PLLP: variants seen among roughly 807,000 people sequenced by gnomAD.
The protein encoded by PLLP is plasmolipin, also known as plasma membrane proteolipid (plasmolipin).
A neutral mutation model predicts 19.7 loss-of-function variants in PLLP; 15 were observed. The ratio of observed to expected loss-of-function variants is 0.76; its 90% CI spans 0.51 to 1.17. The LOEUF is 1.17. Ranked by LOEUF, PLLP falls within the 50% of genes most tolerant of loss-of-function variation. The pLI is 0.00. For missense variants in PLLP, 255 were observed against 258.3 expected, an observed-to-expected ratio of 0.99 and a Z score of 0.09; for synonymous variants, 111 against 116.3, an observed-to-expected ratio of 0.95 and a Z score of 0.29.
chr16:57,263,002 C>T (rs1260015456), intron 1 of PLLP, among the ~76,000 whole-genome samples: 3 of 152,248 alleles, frequency 2.0e-5, no homozygotes, highest in East Asian at 1.9e-4. Flanking sequence ...CTCACAGCTA[C>T]GTCCCCACAC....
chr16:57,270,764 C>T (rs2075472279), intron 1 of PLLP, among the ~76,000 whole-genome samples: 2 of 152,096 alleles, frequency 1.3e-5, no homozygotes, highest in Non-Finnish European at 2.9e-5. Flanking sequence ...TTCCAGCATT[C>T]GAGGATCCTG....
intron 1 of PLLP, among the ~76,000 whole-genome samples, chr16:57,269,354 T>C (rs1489564992): frequency 6.6e-6 from 1 of 152,192 alleles, no homozygotes; most frequent in African/African-American, 2.4e-5. Flanking sequence ...CTGTGTGGCC[T>C]TGGGGGAGTC....
At chr16:57,257,090 C>T (rs1447343287) in intron 3 of PLLP, 61 bp from the exon 4 acceptor site, 1 of 1,211,310 alleles carries the variant, frequency 8.3e-7, no homozygotes, top group Non-Finnish European at 1.2e-6. Flanking sequence ...AAGCTCCAAC[C>T]AGATCTCAGG....
chr16:57,281,404 G>A (rs1256658125), intron 1 of PLLP, among the ~76,000 whole-genome samples: 1 of 152,198 alleles, frequency 6.6e-6, no homozygotes, highest in Non-Finnish European at 1.5e-5. Context: ...GCAGATGGTG[G>A]TGCCTGTTGG....
Position 57,262,084 on chromosome 16 carries a change from A to G in PLLP, c.136-14T>C, listed in dbSNP as rs1487897699. The G allele has an allele frequency of 6.2e-7, 1 of 1,613,918 alleles. No individual in the cohort carries two copies. The highest frequency in any genetic ancestry group is 1.7e-5 in the Admixed American group (1 of 60,014). ...CAGCCCCAGCACCTAGGAGGGTCAG[A>G]CAAGGCAGGATTGGCCAGAGATGCG... On this transcript the variant is annotated splice_polypyrimidine_tract_variant and intron_variant, in intron 1 of 3. Transcript: ENST00000219207.
At chr16:57,269,392 T>G (rs1308448520) in intron 1 of PLLP, among the ~76,000 whole-genome samples, 1 of 152,172 alleles carries the variant, frequency 6.6e-6, no homozygotes, top group African/African-American at 2.4e-5. Flanking sequence ...TGTTTCCTCA[T>G]CTGGCAAGTG....
At chr16:57,273,110 A>G (rs1901097149) in intron 1 of PLLP, among the ~76,000 whole-genome samples, 1 of 151,668 alleles carries the variant, frequency 6.6e-6, no homozygotes. Context: ...AATACAAAAA[A>G]TTAGCCGGGC....
chr16:57,276,236 C>G (rs1171884035), intron 1 of PLLP, among the ~76,000 whole-genome samples: 1 of 152,148 alleles, frequency 6.6e-6, no homozygotes, highest in Non-Finnish European at 1.5e-5. Flanking sequence ...GCAGGCAGAT[C>G]ATCTGAGGTC....
intron 2 of PLLP, among the ~76,000 whole-genome samples, chr16:57,259,559 C>T (rs188891561): frequency 5.3e-5 from 8 of 152,348 alleles, no homozygotes; most frequent in South Asian, 2.1e-4. Context: ...GCCCATTCAC[C>T]GTCTTCAAAC....
At chr16:57,281,770 C>G (rs1316552574) in intron 1 of PLLP, among the ~76,000 whole-genome samples, 1 of 152,086 alleles carries the variant, frequency 6.6e-6, no homozygotes, top group Admixed American at 6.6e-5. Flanking sequence ...CTCGGCCTCC[C>G]AAAGTGCTGG....
intron 1 of PLLP, among the ~76,000 whole-genome samples, chr16:57,268,245 G>A (rs939573259): frequency 3.9e-5 from 6 of 152,268 alleles, no homozygotes; most frequent in African/African-American, 1.4e-4. Context: ...TGTTACGGCA[G>A]CCCCAGGAAA....
intron 1 of PLLP, among the ~76,000 whole-genome samples, chr16:57,275,924 T>G (rs1364733256): frequency 1.3e-5 from 2 of 152,166 alleles, no homozygotes; most frequent in African/African-American, 4.8e-5. Flanking sequence ...GAGACCAGCC[T>G]GGGCAATATA....
intron 2 of PLLP, among the ~76,000 whole-genome samples, chr16:57,261,284 C>T (rs577242710): frequency 6.7e-4 from 102 of 152,280 alleles, no homozygotes; most frequent in African/African-American, 2.4e-3. Flanking sequence ...GGATTACAGG[C>T]GTGAGCCACC....
rs571118716 is a variant in PLLP, at chr16:57,284,641, C to T, written c.-101G>A. 825 of 1,152,376 alleles carry T rather than the reference C, an allele frequency of 7.2e-4. 5 individuals are homozygous for T. Among genetic ancestry groups the T allele is most frequent in the Admixed American group, 1.9e-3 (45 of 24,180 alleles). 71.4% of individuals were successfully genotyped at this position (1,152,376 alleles called of 1,614,324 possible). A position where few individuals can be genotyped will look rare whatever the true frequency, so the allele number is the denominator to read the frequency against. On this transcript the variant is annotated 5_prime_UTR_variant, in exon 1 of 4. Coordinates refer to ENST00000219207, the MANE Select transcript of PLLP (RefSeq NM_015993.3). ...CCGCTTTTCCCCCAGGCTCCGGATC[C>T]CTGTGTGGCTCCAGGCGCTGCAGGA...
chr16:57,269,734 G>A lies in PLLP; in HGVS notation c.136-7664C>T, dbSNP rs1179858006. The stretch of plus-strand genomic sequence containing the variant: ...GACCAAAGTTTCTAATTTTTCAAGA[G>A]ACACTAGAAGTCTGGATTTTATATG... On this transcript the variant is annotated intron_variant, in intron 1 of 3. Coordinates refer to ENST00000219207, the MANE Select transcript of PLLP (RefSeq NM_015993.3). 4.6e-5 allele frequency among the ~76,000 whole-genome samples: 7 copies of A among 152,080 alleles called. No individual in the cohort carries two copies. The East Asian group carries it at 1.3e-3, about 29-fold the overall frequency.
intron 1 of PLLP, among the ~76,000 whole-genome samples, chr16:57,274,506 G>A (rs1901123630): frequency 1.3e-5 from 2 of 152,116 alleles, no homozygotes; most frequent in Middle Eastern, 3.2e-3. Flanking sequence ...AGGCTGGAGT[G>A]CAGTTGCACA....
At chr16:57,278,060 C>T (rs1407756801) in intron 1 of PLLP, among the ~76,000 whole-genome samples, 1 of 152,082 alleles carries the variant, frequency 6.6e-6, no homozygotes, top group Non-Finnish European at 1.5e-5. Flanking sequence ...TGAAGAGTGG[C>T]CAGGCACGGT....
At chr16:57,264,434 A>G (rs1176658527) in intron 1 of PLLP, among the ~76,000 whole-genome samples, 1 of 152,264 alleles carries the variant, frequency 6.6e-6, no homozygotes, top group East Asian at 1.9e-4. Context: ...AGTGCCCAAC[A>G]GTGCCCGACA....
chr16:57,256,780 G>C lies in PLLP; in HGVS notation c.*133C>G. ...GCGCTGTGAGAGCTTATGTCTGACG[G>C]GCAGAGAGGAGCAAATGCAGTCCCT... is the stretch of plus-strand genomic sequence containing the variant. On this transcript the variant is annotated 3_prime_UTR_variant, in exon 4 of 4. Transcript: ENST00000219207. 3.1e-6 allele frequency: 2 copies of C among 641,652 alleles called. No homozygotes were observed. Among genetic ancestry groups the C allele is most frequent in the Non-Finnish European group, 2.8e-6 (1 of 362,086 alleles). The allele number at this position is 641,652 out of a possible 1,614,324, so 39.7% of individuals were successfully genotyped here. A position where few individuals can be genotyped will look rare whatever the true frequency, so the allele number is the denominator to read the frequency against.
Sources: gnomAD v4.1 joint callset for allele counts (sites outside exome capture counted in the v4.1 genomes callset) on GRCh38, gnomAD v4.1.1 for gene constraint, MANE v1.5 for transcripts, NCBI Gene and HGNC (gene_info 2026-07-23, HGNC 2026-07-21) for gene names.